The following LOXHD1 variants were observed in gnomAD, a reference collection of about 807,000 sequenced individuals.
LOXHD1 encodes the protein lipoxygenase homology domain-containing protein 1.
Under a neutral mutation model 248.2 loss-of-function variants are expected in LOXHD1, and 205 were observed. The ratio of observed to expected loss-of-function variants is 0.83; its 90% confidence interval spans 0.74 to 0.93. The LOEUF (loss-of-function observed/expected upper bound fraction) is 0.93, where lower values mean the gene tolerates loss of function less well. Among genes scored for constraint, LOXHD1 ranks in the 40% least tolerant of loss-of-function variants. The probability of loss-of-function intolerance (pLI) is 0.00; values close to 1 mark genes in which losing one functional copy is unlikely to be tolerated. For missense variants in LOXHD1, 2,930 were observed against 2,971.6 expected, an observed-to-expected ratio of 0.99 and a Z score of 0.33; for synonymous variants, 1,113 against 1,162.8, an observed-to-expected ratio of 0.96 and a Z score of 0.87.
chr18:46,530,845 T>C (rs564615357), intron 28 of LOXHD1, among the ~76,000 whole-genome samples: 1 of 152,216 alleles, frequency 6.6e-6, no homozygotes. Context: ...TTCCTAATCT[T>C]CCACCCATGC....
intron 40 of LOXHD1, among the ~76,000 whole-genome samples, chr18:46,480,627 C>G (rs1221535715): frequency 1.3e-5 from 2 of 152,122 alleles, no homozygotes; most frequent in Non-Finnish European, 2.9e-5. Flanking sequence ...ACTCAGCGGG[C>G]TGCTCCTGCT....
At chr18:46,627,614 G>A (rs919533047) in intron 4 of LOXHD1, among the ~76,000 whole-genome samples, 6 of 152,304 alleles carry the variant, frequency 3.9e-5, no homozygotes, top group African/African-American at 1.2e-4. Flanking sequence ...CATTCTGGCT[G>A]CTGGGTTGAA....
intron 12 of LOXHD1, among the ~76,000 whole-genome samples, chr18:46,590,177 C>T (rs1270822181): frequency 6.6e-6 from 1 of 152,016 alleles, no homozygotes; most frequent in African/African-American, 2.4e-5. Flanking sequence ...ATTTGTTAGG[C>T]AAGCAGATCC....
At chr18:46,598,817 A>C (rs2038296685) in intron 8 of LOXHD1, among the ~76,000 whole-genome samples, 1 of 152,198 alleles carries the variant, frequency 6.6e-6, no homozygotes, top group Admixed American at 6.5e-5. Flanking sequence ...AATTTTAAGA[A>C]GTATACCATA....
At chr18:46,552,050 G>A (rs139531150) in intron 21 of LOXHD1, among the ~76,000 whole-genome samples, 126 of 152,270 alleles carry the variant, frequency 8.3e-4, no homozygotes, top group African/African-American at 2.9e-3. Flanking sequence ...GGGGCTGGGA[G>A]GAGGTGGAAA....
At chr18:46,580,849 G>GCC (rs943423902) in intron 12 of LOXHD1, among the ~76,000 whole-genome samples, 1 of 152,068 alleles carries the variant, frequency 6.6e-6, no homozygotes, top group African/African-American at 2.4e-5. Context: ...AAGTGCAAAG[G>GCC]CCCCTGTGTG....
chr18:46,606,128 T>C (rs2038409512), intron 6 of LOXHD1, among the ~76,000 whole-genome samples: 1 of 152,130 alleles, frequency 6.6e-6, no homozygotes, highest in South Asian at 2.1e-4. Flanking sequence ...GGCAATCAGA[T>C]GAGATTTAAA....
intron 37 of LOXHD1, among the ~76,000 whole-genome samples, chr18:46,503,445 G>A (rs543784761): frequency 2.9e-4 from 44 of 152,150 alleles, no homozygotes; most frequent in South Asian, 6.2e-4. Context: ...TCTTGACTAC[G>A]TGATCACTGT....
chr18:46,639,568 C>A, intron 4 of LOXHD1, 48 bp downstream of exon 4: 1 of 1,523,514 alleles, frequency 6.6e-7, no homozygotes, highest in South Asian at 1.3e-5. Context: ...CTGGGTGAGC[C>A]CAGCCCAGCT....
chr18:46,492,752 T>C (rs2033575739), intron 37 of LOXHD1, among the ~76,000 whole-genome samples: 1 of 152,218 alleles, frequency 6.6e-6, no homozygotes, highest in Non-Finnish European at 1.5e-5. Flanking sequence ...TGACACCTTT[T>C]ACTCAGAGAC....
At chr18:46,577,355 T>G (rs1297466020) in intron 14 of LOXHD1, among the ~76,000 whole-genome samples, 1 of 152,220 alleles carries the variant, frequency 6.6e-6, no homozygotes, top group African/African-American at 2.4e-5. Flanking sequence ...AAAAAACTTT[T>G]GATTTAAAAG....
At chr18:46,560,046 ACTCC>A in intron 19 of LOXHD1, 33 bp downstream of exon 19, 23 of 690,918 alleles carry the variant, frequency 3.3e-5, no homozygotes, top group Non-Finnish European at 4.4e-5. Flanking sequence ...CTGTCTGGCC[ACTCC>A]CTCCCCACCC....
rs79045813 is a variant in LOXHD1 at position 46,488,987 on chromosome 18, C to T, written c.6034G>A (p.Glu2012Lys). ...FACANNKICD[E>K]LEETTYEIVI... ...CCCCACATACTGGTCTCTTCCAGCT[C>T]ATCACAGATCTTGTTGTTGGCACAG... Residue 2012 changes from glutamate (E) to lysine (K), a missense_variant, in exon 38 of 41, where the codon GAG becomes AAG. Physicochemically the swap from Glu to Lys is moderately conservative, Grantham distance 56. Coordinates refer to ENST00000642948, the MANE Select transcript of LOXHD1 (RefSeq NM_001384474.1). The T allele has an allele frequency of 5.9e-4, 918 of 1,551,684 alleles. 5 individuals are homozygous for T. The African/African-American group carries it at 0.012, about 19-fold the overall frequency.
intron 21 of LOXHD1, among the ~76,000 whole-genome samples, chr18:46,547,362 G>C (rs957478396): frequency 6.6e-6 from 1 of 152,204 alleles, no homozygotes; most frequent in Non-Finnish European, 1.5e-5. Context: ...GAAGGAGAGG[G>C]ACATACGGGG....
intron 40 of LOXHD1, among the ~76,000 whole-genome samples, chr18:46,481,846 T>C (rs2032598541): frequency 6.6e-6 from 1 of 152,220 alleles, no homozygotes; most frequent in Admixed American, 6.5e-5. Context: ...CCTTTCCTCC[T>C]AAGACAGGAA....
intron 20 of LOXHD1, chr18:46,559,002 T>C (rs1285465654): frequency 3.6e-6 from 2 of 552,664 alleles, no homozygotes; most frequent in African/African-American, 1.9e-5. Flanking sequence ...CACCTCCATA[T>C]CTTTGCTCAT....
At position 46,578,856 on chromosome 18, in the gene LOXHD1, TC is replaced by T. The variant is rs1392244524; in HGVS notation, c.1809+773del. 2.6e-5 allele frequency among the ~76,000 whole-genome samples: 4 copies of T among 152,322 alleles called. No individual in the cohort carries two copies. The South Asian group carries it at 6.2e-4, about 24-fold the overall frequency. Reference sequence around the variant, plus strand: ...CACAACAGCCCACCACAGGTAGGCATCCTTTCCCCATTTCAGGCATGAGGAA... The same window carrying T: ...CACAACAGCCCACCACAGGTAGGCATCTTTCCCCATTTCAGGCATGAGGAA... On this transcript the variant is annotated intron_variant, in intron 13 of 40. Transcript: ENST00000642948.
At chr18:46,525,557 T>C (rs2035792020) in intron 29 of LOXHD1, among the ~76,000 whole-genome samples, 1 of 152,118 alleles carries the variant, frequency 6.6e-6, no homozygotes, top group South Asian at 2.1e-4. Flanking sequence ...GGCCCTAATC[T>C]GTATCCCTGA....
chr18:46,557,602 C>T, intron 20 of LOXHD1, 113 bp from the exon 21 acceptor site: 4 of 1,265,830 alleles, frequency 3.2e-6, no homozygotes, highest in Non-Finnish European at 3.3e-6. Context: ...TGGTGAGACC[C>T]AAAGCAACCA....
Sources: allele counts gnomAD v4.1 joint callset (sites outside exome capture counted in the v4.1 genomes callset), GRCh38; gene constraint gnomAD v4.1.1; transcripts MANE v1.5; gene names NCBI Gene and HGNC (gene_info 2026-07-23, HGNC 2026-07-21).